The following WDFY4 variants were observed in gnomAD, a reference collection of about 807,000 sequenced individuals.
WDFY4 encodes WDFY family member 4, also known as WD repeat- and FYVE domain-containing protein 4.
In WDFY4, 169 loss-of-function variants were observed where a neutral mutation model predicts 351.9. The observed-to-expected ratio is 0.48, with a 90% CI of 0.42 to 0.55. The LOEUF (loss-of-function observed/expected upper bound fraction) is 0.55, where lower values mean the gene tolerates loss of function less well. Among genes scored for constraint, WDFY4 ranks in the 20% least tolerant of loss-of-function variants. WDFY4 has a pLI of 0.00. For synonymous variants in WDFY4, 1,622 were observed against 1,574.6 expected, an observed-to-expected ratio of 1.03 and a Z score of -0.71; for missense variants, 3,803 against 3,935.6, an observed-to-expected ratio of 0.97 and a Z score of 0.90.
chr10:48,896,110 C>T (rs773674792), intron 44 of WDFY4, among the ~76,000 whole-genome samples: 7 of 152,240 alleles, frequency 4.6e-5, no homozygotes, highest in Non-Finnish European at 8.8e-5. Flanking sequence ...ACTGAGCAAT[C>T]GCTTCAGAAT....
At chr10:48,942,730 C>T (rs779794115) in intron 48 of WDFY4, among the ~76,000 whole-genome samples, 2 of 152,212 alleles carry the variant, frequency 1.3e-5, no homozygotes, top group East Asian at 1.9e-4. Flanking sequence ...TCAGAGATGA[C>T]GGCTGTGTTG....
At chr10:48,936,005 G>GA (rs1167793028) in intron 47 of WDFY4, among the ~76,000 whole-genome samples, 5 of 151,600 alleles carry the variant, frequency 3.3e-5, no homozygotes, top group Admixed American at 3.3e-4. Flanking sequence ...TAAAGCATTG[G>GA]AAAAAAATTT....
chr10:48,794,130 T>G (rs146221861), intron 23 of WDFY4, among the ~76,000 whole-genome samples: 35 of 152,288 alleles, frequency 2.3e-4, no homozygotes, highest in African/African-American at 7.9e-4. Flanking sequence ...GAACGTAGGT[T>G]CTGCCTCACA....
chr10:48,977,183 C>G, intron 59 of WDFY4: 1 of 376,326 alleles, frequency 2.7e-6, no homozygotes, highest in East Asian at 4.0e-5. Flanking sequence ...ATTACACACA[C>G]AGACACACAC....
intron 40 of WDFY4, among the ~76,000 whole-genome samples, chr10:48,871,515 C>G (rs888005264): frequency 1.3e-5 from 2 of 150,152 alleles, no homozygotes; most frequent in African/African-American, 4.9e-5. Flanking sequence ...TATTTTGTTG[C>G]CCAGGCTGAA....
At chr10:48,868,928 T>A (rs2069654956) in intron 40 of WDFY4, among the ~76,000 whole-genome samples, 1 of 152,180 alleles carries the variant, frequency 6.6e-6, no homozygotes, top group African/African-American at 2.4e-5. Flanking sequence ...TCCAGCCACC[T>A]GAAAGGTTAG....
intron 1 of WDFY4, among the ~76,000 whole-genome samples, chr10:48,697,882 C>T (rs982469597): frequency 6.6e-6 from 1 of 152,172 alleles, no homozygotes; most frequent in Non-Finnish European, 1.5e-5. Flanking sequence ...TGTCCCACGG[C>T]CCCCATGTCA....
At chr10:48,972,305 A>G (rs917720538) in intron 57 of WDFY4, among the ~76,000 whole-genome samples, 4 of 152,230 alleles carry the variant, frequency 2.6e-5, no homozygotes, top group Non-Finnish European at 5.9e-5. Flanking sequence ...ATTTTTAAAG[A>G]TACTGCAACG....
intron 39 of WDFY4, among the ~76,000 whole-genome samples, chr10:48,849,464 C>G (rs1042653673): frequency 6.6e-6 from 1 of 152,114 alleles, no homozygotes; most frequent in Non-Finnish European, 1.5e-5. Flanking sequence ...AGACTTACCC[C>G]CAAAATTATT....
chr10:48,865,490 C>A (rs147274770), intron 39 of WDFY4, among the ~76,000 whole-genome samples: 5 of 152,274 alleles, frequency 3.3e-5, no homozygotes, highest in Non-Finnish European at 5.9e-5. Flanking sequence ...GGGATTTCTA[C>A]ATTAATATTT....
At chr10:48,798,323 A>C (rs1050617661) in intron 24 of WDFY4, among the ~76,000 whole-genome samples, 1 of 152,182 alleles carries the variant, frequency 6.6e-6, no homozygotes, top group Admixed American at 6.5e-5. Context: ...AAAATAGGAA[A>C]AAAAAACATA....
Position 48,891,023 on chromosome 10 carries a change from C to T in WDFY4, c.7316+296C>T, listed in dbSNP as rs957562823. The stretch of plus-strand genomic sequence containing the variant: ...TATTCGCATGGCTGAATTCAGTCGC[C>T]GTCAACTTACTCACTCAACGACATG... On this transcript the variant is annotated intron_variant, in intron 44 of 61. Coordinates refer to ENST00000325239, the MANE Select transcript of WDFY4 (RefSeq NM_001394531.1). 7.9e-5 allele frequency among the ~76,000 whole-genome samples: 12 copies of T among 152,304 alleles called. No individual in the cohort carries two copies. The East Asian group carries it at 1.9e-3, about 24-fold the overall frequency.
chr10:48,821,416 T>A (rs17699451), intron 34 of WDFY4, among the ~76,000 whole-genome samples: 8 of 152,126 alleles, frequency 5.3e-5, no homozygotes, highest in African/African-American at 1.9e-4. Context: ...CAGAAAGCCC[T>A]TTTGCCTCTA....
chr10:48,857,306 T>A (rs1216752984), intron 39 of WDFY4, among the ~76,000 whole-genome samples: 2 of 151,566 alleles, frequency 1.3e-5, no homozygotes, highest in African/African-American at 2.4e-5. Flanking sequence ...TAATTTGTAC[T>A]GCTTCATCAA....
At chr10:48,784,283 T>C (rs1565193302) in intron 19 of WDFY4, among the ~76,000 whole-genome samples, 1 of 152,198 alleles carries the variant, frequency 6.6e-6, no homozygotes, top group Non-Finnish European at 1.5e-5. Context: ...CGAAAATGAT[T>C]GTATCATTTG....
chr10:48,804,981 TC>T (rs775472149), intron 25 of WDFY4, among the ~76,000 whole-genome samples: 31 of 151,986 alleles, frequency 2.0e-4, no homozygotes, highest in Admixed American at 8.5e-4. Flanking sequence ...GCACTAGTTT[TC>T]CCTGGGGCTC....
chr10:48,947,653 T>A (rs1261502282), intron 51 of WDFY4, among the ~76,000 whole-genome samples: 1 of 152,140 alleles, frequency 6.6e-6, no homozygotes, highest in Non-Finnish European at 1.5e-5. Flanking sequence ...GACAGAGTCT[T>A]TCATGGGCAG....
At chr10:48,868,231 C>T (rs972879556) in intron 40 of WDFY4, among the ~76,000 whole-genome samples, 1 of 152,230 alleles carries the variant, frequency 6.6e-6, no homozygotes, top group Non-Finnish European at 1.5e-5. Flanking sequence ...GATGTGCAGC[C>T]TGAACCCCAG....
intron 44 of WDFY4, among the ~76,000 whole-genome samples, chr10:48,892,442 T>C (rs557321044): frequency 2.0e-4 from 31 of 152,350 alleles, no homozygotes; most frequent in African/African-American, 7.5e-4. Context: ...GAGAACAAAT[T>C]ACTACCCTGG....
Sources: gnomAD v4.1 joint callset for allele counts (sites outside exome capture counted in the v4.1 genomes callset) on GRCh38, gnomAD v4.1.1 for gene constraint, MANE v1.5 for transcripts, NCBI Gene and HGNC (gene_info 2026-07-23, HGNC 2026-07-21) for gene names.